Variants in CMTM8 observed in about 807,000 individuals in gnomAD.
The protein encoded by CMTM8 is CKLF-like MARVEL transmembrane domain-containing protein 8.
CMTM8 carries 12 observed loss-of-function variants against 18.6 expected under a neutral mutation model. The ratio of observed to expected loss-of-function variants is 0.65; its 90% CI spans 0.41 to 1.05. The LOEUF (loss-of-function observed/expected upper bound fraction) is 1.05, where lower values mean the gene tolerates loss of function less well. CMTM8 is among the 50% of genes least tolerant of loss of function. The probability of loss-of-function intolerance (pLI) is 0.00; values close to 1 mark genes in which losing one functional copy is unlikely to be tolerated. For missense variants in CMTM8, 217 were observed against 227.2 expected, an observed-to-expected ratio of 0.95 and a Z score of 0.29; for synonymous variants, 87 against 90.6, an observed-to-expected ratio of 0.96 and a Z score of 0.23.
chr3:32,283,185 C>G (rs1702631981), intron 1 of CMTM8, among the ~76,000 whole-genome samples: 1 of 152,084 alleles, frequency 6.6e-6, no homozygotes, highest in African/African-American at 2.4e-5. Flanking sequence ...TTAGGGGGAG[C>G]ATGATAATGA....
intron 1 of CMTM8, among the ~76,000 whole-genome samples, chr3:32,330,176 C>G (rs1313545626): frequency 2.1e-5 from 3 of 146,296 alleles, no homozygotes; most frequent in African/African-American, 7.5e-5. Context: ...TCAGTGCAAT[C>G]CCAGTCAAAA....
chr3:32,370,052 A>C lies in CMTM8; in HGVS notation c.*85A>C. Reference sequence around the variant, plus strand: ...GTAGGTATAATGTATATTCCCAGAGAATTGTATTTAACTAATTAATGTTTT... The same window carrying C: ...GTAGGTATAATGTATATTCCCAGAGCATTGTATTTAACTAATTAATGTTTT... On this transcript the variant is annotated 3_prime_UTR_variant, in exon 4 of 4. Coordinates refer to ENST00000307526, the MANE Select transcript of CMTM8 (RefSeq NM_178868.5). The C allele has an allele frequency of 1.4e-6, 1 of 717,494 alleles. No homozygotes were observed. The highest frequency in any genetic ancestry group is 2.2e-5 in the South Asian group (1 of 44,696). 44.4% of individuals were successfully genotyped at this position (717,494 alleles called of 1,614,324 possible).
chr3:32,311,616 G>A (rs1391723893), intron 1 of CMTM8, among the ~76,000 whole-genome samples: 2 of 152,134 alleles, frequency 1.3e-5, no homozygotes, highest in South Asian at 2.1e-4. Context: ...TGTCCTCTTT[G>A]CCATGTGAAA....
intron 1 of CMTM8, among the ~76,000 whole-genome samples, chr3:32,298,815 A>ATG (rs1491427826): frequency 8.1e-6 from 1 of 123,884 alleles, no homozygotes; most frequent in African/African-American, 3.6e-5. Context: ...ATATATATAT[A>ATG]CACGTGTGTA....
At chr3:32,292,262 C>T (rs1203700192) in intron 1 of CMTM8, among the ~76,000 whole-genome samples, 1 of 152,178 alleles carries the variant, frequency 6.6e-6, no homozygotes. Flanking sequence ...AGTTTGAAAT[C>T]AGAGGAGATT....
chr3:32,334,333 G>A (rs1349259333), intron 1 of CMTM8, among the ~76,000 whole-genome samples: 2 of 151,770 alleles, frequency 1.3e-5, no homozygotes, highest in Non-Finnish European at 2.9e-5. Context: ...TTGACCGAGC[G>A]TGGTGGCTCA....
At chr3:32,321,608 T>C (rs1696055816) in intron 1 of CMTM8, among the ~76,000 whole-genome samples, 1 of 152,158 alleles carries the variant, frequency 6.6e-6, no homozygotes, top group Non-Finnish European at 1.5e-5. Context: ...TAGATTTTCT[T>C]TTTTTAAAGA....
At chr3:32,267,623 C>T (rs1219555842) in intron 1 of CMTM8, among the ~76,000 whole-genome samples, 2 of 152,152 alleles carry the variant, frequency 1.3e-5, no homozygotes, top group Non-Finnish European at 2.9e-5. Context: ...AACTAAAGAG[C>T]TTCTGCACAG....
intron 1 of CMTM8, among the ~76,000 whole-genome samples, chr3:32,320,372 A>G (rs1341133282): frequency 1.3e-5 from 2 of 152,200 alleles, no homozygotes; most frequent in Admixed American, 1.3e-4. Context: ...AAGAAGCCAG[A>G]CACAAAAGGC....
At chr3:32,303,404 C>T (rs539595373) in intron 1 of CMTM8, among the ~76,000 whole-genome samples, 5 of 152,152 alleles carry the variant, frequency 3.3e-5, no homozygotes, top group African/African-American at 7.2e-5. Flanking sequence ...GAGTTCAGCT[C>T]GTTCTTAATG....
chr3:32,302,953 A>G (rs902645199), intron 1 of CMTM8, among the ~76,000 whole-genome samples: 1 of 152,162 alleles, frequency 6.6e-6, no homozygotes, highest in Non-Finnish European at 1.5e-5. Context: ...TCTCACACTT[A>G]AATACCCAGG....
chr3:32,268,590 T>TAAAAA (rs370663179), intron 1 of CMTM8, among the ~76,000 whole-genome samples: 1 of 147,910 alleles, frequency 6.8e-6, no homozygotes. Context: ...ACTTAAAGTA[T>TAAAAA]AAAAAAAAAA....
At chr3:32,303,500 T>C (rs1485488561) in intron 1 of CMTM8, among the ~76,000 whole-genome samples, 2 of 152,176 alleles carry the variant, frequency 1.3e-5, no homozygotes, top group Admixed American at 6.5e-5. Flanking sequence ...AAAAGTAAAT[T>C]GGGTCGCTTA....
At chr3:32,320,271 A>G (rs1696017775) in intron 1 of CMTM8, among the ~76,000 whole-genome samples, 1 of 152,236 alleles carries the variant, frequency 6.6e-6, no homozygotes, top group Non-Finnish European at 1.5e-5. Context: ...GTGGTATACC[A>G]AACAGTGGAA....
At chr3:32,367,805 C>A (rs541127809) in intron 2 of CMTM8, 67 bp from the exon 3 acceptor site, 3 of 1,087,434 alleles carry the variant, frequency 2.8e-6, no homozygotes, top group Non-Finnish European at 4.2e-6. Flanking sequence ...GCCCTCATCA[C>A]TTCTGAAGTC....
chr3:32,326,994 C>T lies in CMTM8; in HGVS notation c.148-30379C>T, dbSNP rs185713704. Reference sequence around the variant, plus strand: ...TATTTATCTCCCTGGCCACACTGAACATTCTTCAAGGGAAGGAGCTATGTC... The same window carrying T: ...TATTTATCTCCCTGGCCACACTGAATATTCTTCAAGGGAAGGAGCTATGTC... On this transcript the variant is annotated intron_variant, in intron 1 of 3. Transcript: ENST00000307526. Among the ~76,000 whole-genome samples the T allele has an allele frequency of 1.3e-3, 191 of 152,256 alleles. 2 individuals carry two copies. The highest frequency in any genetic ancestry group is 3.9e-3 in the African/African-American group (161 of 41,548).
intron 1 of CMTM8, among the ~76,000 whole-genome samples, chr3:32,307,922 G>A (rs962198360): frequency 2.0e-5 from 3 of 152,238 alleles, no homozygotes; most frequent in Non-Finnish European, 2.9e-5. Flanking sequence ...CCATGTTCAA[G>A]GAGTGGGCAA....
intron 1 of CMTM8, among the ~76,000 whole-genome samples, chr3:32,339,122 A>G (rs1022563593): frequency 6.6e-6 from 1 of 152,218 alleles, no homozygotes; most frequent in Admixed American, 6.5e-5. Context: ...CATCAAAAGC[A>G]AGTCAGTAAG....
At chr3:32,264,343 C>T (rs928453337) in intron 1 of CMTM8, among the ~76,000 whole-genome samples, 1 of 152,126 alleles carries the variant, frequency 6.6e-6, no homozygotes, top group African/African-American at 2.4e-5. Context: ...TCATGTCCAG[C>T]CAACTAAGTA....
Sources: allele counts gnomAD v4.1 joint callset (sites outside exome capture counted in the v4.1 genomes callset), GRCh38; gene constraint gnomAD v4.1.1; transcripts MANE v1.5; gene names NCBI Gene and HGNC (gene_info 2026-07-23, HGNC 2026-07-21).